DMAC2L: variants seen among roughly 807,000 people sequenced by gnomAD.
DMAC2L encodes ATP synthase subunit s, mitochondrial.
In DMAC2L, 21 loss-of-function variants were observed where a neutral mutation model predicts 22.5. The ratio of observed to expected loss-of-function variants is 0.93; its 90% CI spans 0.66 to 1.34. The LOEUF (loss-of-function observed/expected upper bound fraction) is 1.34, where lower values mean the gene tolerates loss of function less well. Among genes scored for constraint, DMAC2L ranks in the 40% most tolerant of loss-of-function variants. The probability of loss-of-function intolerance (pLI) is 0.00; values close to 1 mark genes in which losing one functional copy is unlikely to be tolerated. For synonymous variants in DMAC2L, 86 were observed against 89.5 expected (o/e 0.96, Z 0.22); for missense variants, 239 against 246.5 (o/e 0.97, Z 0.20).
At chr14:50,315,689 A>AAG (rs1555335335) in intron 2 of DMAC2L, among the ~76,000 whole-genome samples, 7 of 137,118 alleles carry the variant, frequency 5.1e-5, no homozygotes, top group Non-Finnish European at 6.3e-5. Context: ...AAAAAAAAAA[A>AAG]GAGTAATAAA....
chr14:50,326,764 G>C lies in DMAC2L; in HGVS notation c.*1041G>C. ...TGAAACCTAACATTGCTTTAGGCTG[G>C]GTGCCGTGGCTCGTGCCTGTAATCC... is the stretch of plus-strand genomic sequence containing the variant. On this transcript the variant is annotated 3_prime_UTR_variant, in exon 6 of 6. Transcript: ENST00000557421. 1.0e-6 allele frequency: 1 copy of C among 985,272 alleles called. No homozygotes were observed. The highest frequency in any genetic ancestry group is 1.2e-6 in the Non-Finnish European group (1 of 829,844). The allele number at this position is 985,272 out of a possible 1,614,324, so 61.0% of individuals were successfully genotyped here.
chr14:50,316,140 T>G (rs775442459), intron 2 of DMAC2L, among the ~76,000 whole-genome samples: 16 of 152,190 alleles, frequency 1.1e-4, no homozygotes, highest in Non-Finnish European at 2.2e-4. Flanking sequence ...TGGTTTTGAT[T>G]TGCATTTTCC....
At chr14:50,313,836 G>C (rs1344791317) in intron 1 of DMAC2L, among the ~76,000 whole-genome samples, 1 of 152,118 alleles carries the variant, frequency 6.6e-6, no homozygotes, top group African/African-American at 2.4e-5. Context: ...GTACAGCCCA[G>C]GTCCATCACC....
At chr14:50,323,437 AG>A in intron 4 of DMAC2L, among the ~76,000 whole-genome samples, 1 of 133,190 alleles carries the variant, frequency 7.5e-6, no homozygotes, top group Non-Finnish European at 1.5e-5. Flanking sequence ...TCTGTCACCA[AG>A]GCTAGAGTGC....
intron 1 of DMAC2L, chr14:50,313,181 C>A: frequency 1.3e-6 from 1 of 794,082 alleles, no homozygotes; most frequent in Non-Finnish European, 2.1e-6. Flanking sequence ...ATTCTGTATG[C>A]TTGATGGCAG....
intron 1 of DMAC2L, among the ~76,000 whole-genome samples, chr14:50,313,483 C>T (rs145242480): frequency 2.0e-5 from 3 of 152,260 alleles, no homozygotes; most frequent in African/African-American, 7.2e-5. Context: ...AAGGGTTTTA[C>T]CACCAGAACA....
In DMAC2L at chr14:50,323,054, C is replaced by T. The variant is rs2032412774; in HGVS notation, c.316+335C>T. On this transcript the variant is annotated intron_variant, in intron 4 of 5. Coordinates refer to ENST00000557421, the MANE Select transcript of DMAC2L (RefSeq NM_001382507.1). ...TGCAGGAATAATTATATCCACACAGCTTCTGCTTACGTGGGCATTTTTTTT... is the reference window on the plus strand; with the variant it reads ...TGCAGGAATAATTATATCCACACAGTTTCTGCTTACGTGGGCATTTTTTTT... The T allele has an allele frequency of 1.4e-5, 14 of 982,444 alleles. No individual in the cohort carries two copies. The South Asian group carries it at 4.7e-4, about 33-fold the overall frequency. The allele number at this position is 982,444 out of a possible 1,614,324, so 60.9% of individuals were successfully genotyped here. A position where few individuals can be genotyped will look rare whatever the true frequency, so the allele number is the denominator to read the frequency against.
At chr14:50,315,861 A>G (rs1023499224) in intron 2 of DMAC2L, among the ~76,000 whole-genome samples, 6 of 152,250 alleles carry the variant, frequency 3.9e-5, no homozygotes, top group Middle Eastern at 6.8e-3. Context: ...TTGTGCTGCT[A>G]TAAACATGCG....
chr14:50,325,657 A>G lies in DMAC2L; in HGVS notation c.537A>G (p.Lys179=). The change falls in exon 6 of 6, where the codon AAA becomes AAG. Residue 179 remains lysine (K), a synonymous_variant. Coordinates refer to ENST00000557421, the MANE Select transcript of DMAC2L (RefSeq NM_001382507.1). Reference sequence around the variant, plus strand: ...GTGATCTTCCTGGAGTAAGAGAAAAAGAAAATCTTGTCCAAGCCTTTAAGA... The same window carrying G: ...GTGATCTTCCTGGAGTAAGAGAAAAGGAAAATCTTGTCCAAGCCTTTAAGA... ...LLSDLPGVRE[K]ENLVQAFKTA... The G allele has an allele frequency of 6.2e-7, 1 of 1,613,038 alleles. No homozygotes were observed. Among genetic ancestry groups the G allele is most frequent in the Non-Finnish European group, 8.5e-7 (1 of 1,179,560 alleles).
upstream of DMAC2L, chr14:50,311,896 C>T (rs2031225398): frequency 2.1e-6 from 3 of 1,413,656 alleles, no homozygotes; most frequent in East Asian, 7.5e-5. Flanking sequence ...GCCACAGGAC[C>T]CCAACCTGCT....
chr14:50,318,759 A>C (rs1318236283), intron 2 of DMAC2L, among the ~76,000 whole-genome samples: 1 of 152,042 alleles, frequency 6.6e-6, no homozygotes, highest in Non-Finnish European at 1.5e-5. Flanking sequence ...TTCAAAAGAC[A>C]CCTCTAGTGT....
At position 50,326,620 on chromosome 14, in the gene DMAC2L, C is replaced by G. The variant is rs1011183128; in HGVS notation, c.*897C>G. 2 of 985,286 alleles carry G rather than the reference C, an allele frequency of 2.0e-6. No individual in the cohort carries two copies. Among genetic ancestry groups the G allele is most frequent in the African/African-American group, 1.7e-5 (1 of 57,242 alleles). The allele number at this position is 985,286 out of a possible 1,614,324, so 61.0% of individuals were successfully genotyped here. A position where few individuals can be genotyped will look rare whatever the true frequency, so the allele number is the denominator to read the frequency against. ...CTGCTTAATTTGTCTATTTTGTAAGCTTAGGCTACTATTTTATTAAAACTG... is the reference window on the plus strand; with the variant it reads ...CTGCTTAATTTGTCTATTTTGTAAGGTTAGGCTACTATTTTATTAAAACTG... On this transcript the variant is annotated 3_prime_UTR_variant, in exon 6 of 6. Coordinates refer to ENST00000557421, the MANE Select transcript of DMAC2L (RefSeq NM_001382507.1).
chr14:50,321,634 T>G (rs1165711166), intron 3 of DMAC2L, 40 bp downstream of exon 3: 1 of 1,460,680 alleles, frequency 6.8e-7, no homozygotes, highest in East Asian at 2.3e-5. Flanking sequence ...GTGGAGATGG[T>G]TACAGCTAAA....
At chr14:50,319,847 G>C (rs1200308842) in intron 2 of DMAC2L, among the ~76,000 whole-genome samples, 2 of 152,084 alleles carry the variant, frequency 1.3e-5, no homozygotes, top group Non-Finnish European at 2.9e-5. Flanking sequence ...AGTGACCCAG[G>C]GCCAAAACTT....
At chr14:50,311,885 T>A, upstream of DMAC2L, 1 of 1,296,498 alleles carries the variant, frequency 7.7e-7, no homozygotes, top group Middle Eastern at 2.6e-4. Flanking sequence ...GAGGTTGGAG[T>A]GCCACAGGAC....
intron 3 of DMAC2L, among the ~76,000 whole-genome samples, chr14:50,322,173 T>A (rs1416745361): frequency 1.3e-5 from 2 of 152,238 alleles, no homozygotes; most frequent in East Asian, 3.8e-4. Context: ...TCTAACCAAG[T>A]ATAGTCATTC....
At chr14:50,322,400 A>T in intron 3 of DMAC2L, 111 bp from the exon 4 acceptor site, 1 of 1,164,488 alleles carries the variant, frequency 8.6e-7, no homozygotes. Flanking sequence ...CTTCCTCGTC[A>T]GTCACTTGAA....
At chr14:50,312,931 G>A in intron 1 of DMAC2L, 2 of 1,471,760 alleles carry the variant, frequency 1.4e-6, no homozygotes, top group Non-Finnish European at 1.9e-6. Flanking sequence ...ACCCGGCACT[G>A]GGTACCGGAA....
chr14:50,326,353 C>G lies in DMAC2L; in HGVS notation c.*630C>G. 1 of 839,022 alleles carries G rather than the reference C, an allele frequency of 1.2e-6. No individual in the cohort carries two copies. The highest frequency in any genetic ancestry group is 1.4e-6 in the Non-Finnish European group (1 of 696,886). 52.0% of individuals were successfully genotyped at this position (839,022 alleles called of 1,614,324 possible). ...GAATCCTTTAAAGTTATTTGTACAACAGATGTTTTTATTATAACAGTAATT... is the reference window on the plus strand; with the variant it reads ...GAATCCTTTAAAGTTATTTGTACAAGAGATGTTTTTATTATAACAGTAATT... On this transcript the variant is annotated 3_prime_UTR_variant, in exon 6 of 6. Transcript: ENST00000557421.
Sources: gnomAD v4.1 joint callset for allele counts (sites outside exome capture counted in the v4.1 genomes callset) on GRCh38, gnomAD v4.1.1 for gene constraint, MANE v1.5 for transcripts, NCBI Gene and HGNC (gene_info 2026-07-23, HGNC 2026-07-21) for gene names.